Variants in LINGO2 observed in about 807,000 individuals in gnomAD.
LINGO2 encodes the protein leucine rich repeat and Ig domain containing 2.
A neutral mutation model predicts 30.6 loss-of-function variants in LINGO2; 14 were observed. The observed-to-expected ratio is 0.46, with a 90% CI of 0.30 to 0.72. The LOEUF is 0.72. Among genes scored for constraint, LINGO2 ranks in the 30% least tolerant of loss-of-function variants. The pLI is 0.07. For synonymous variants in LINGO2, 317 were observed against 288.5 expected, an observed-to-expected ratio of 1.10 and a Z score of -1.00; for missense variants, 729 against 751.7, an observed-to-expected ratio of 0.97 and a Z score of 0.35.
intron 4 of LINGO2, among the ~76,000 whole-genome samples, chr9:28,045,723 C>T (rs1006983450): frequency 6.6e-6 from 1 of 151,552 alleles, no homozygotes; most frequent in Non-Finnish European, 1.5e-5. Flanking sequence ...CTAATTTTCA[C>T]AGGTACTATG....
intron 5 of LINGO2, among the ~76,000 whole-genome samples, chr9:27,961,348 T>C (rs927622372): frequency 6.6e-6 from 1 of 152,164 alleles, no homozygotes; most frequent in Non-Finnish European, 1.5e-5. Flanking sequence ...TCAAGTAAAA[T>C]ATAGGAGCTC....
rs549045213 is a variant in LINGO2 at position 28,376,136 on chromosome 9, A to C, written c.-278-3268T>G. Among the ~76,000 whole-genome samples the C allele has an allele frequency of 6.6e-5, 10 of 151,512 alleles. No homozygotes were observed. The South Asian group carries it at 2.1e-3, about 32-fold the overall frequency. ...CGGACAAGTGCAGCAGCCTAAAAAT[A>C]AAATGTTGAGGAGGGGTTCAGATCC... On this transcript the variant is annotated intron_variant, in intron 2 of 5. Transcript: ENST00000379992.
At chr9:28,407,701 A>C (rs2134785789) in intron 2 of LINGO2, among the ~76,000 whole-genome samples, 1 of 152,280 alleles carries the variant, frequency 6.6e-6, no homozygotes, top group South Asian at 2.1e-4. Flanking sequence ...GGAGAAGGAG[A>C]GAATGGTTCT....
the LINGO2 span, among the ~76,000 whole-genome samples, chr9:28,819,717 G>A: frequency 2.2e-3 from 332 of 152,300 alleles, 1 homozygote; most frequent in African/African-American, 7.6e-3. Flanking sequence ...AGCAGGTCCT[G>A]TGGCAGAGCA....
chr9:28,773,038 AGTTAG>A, the LINGO2 span, among the ~76,000 whole-genome samples: 1 of 152,142 alleles, frequency 6.6e-6, no homozygotes, highest in Admixed American at 6.5e-5. Flanking sequence ...TGAAATGCTC[AGTTAG>A]GTTAGACACA....
the LINGO2 span, among the ~76,000 whole-genome samples, chr9:28,942,655 T>C: frequency 4.2e-3 from 642 of 152,332 alleles, 1 homozygote; most frequent in Non-Finnish European, 6.2e-3. Flanking sequence ...CCAGTGAAAC[T>C]GAGCAATTTT....
chr9:27,945,480 C>T (rs1002839347), downstream of LINGO2, among the ~76,000 whole-genome samples: 1 of 152,030 alleles, frequency 6.6e-6, no homozygotes, highest in African/African-American at 2.4e-5. Context: ...CAGTAACAAG[C>T]AAAATTTCTG....
the LINGO2 span, among the ~76,000 whole-genome samples, chr9:29,093,456 A>G: frequency 2.2e-5 from 3 of 134,540 alleles, 1 homozygote; most frequent in Non-Finnish European, 3.2e-5. Flanking sequence ...GAAATTTATA[A>G]AACACTTTCC....
At chr9:28,128,062 C>A (rs1253574365) in intron 4 of LINGO2, among the ~76,000 whole-genome samples, 1 of 152,140 alleles carries the variant, frequency 6.6e-6, no homozygotes, top group Non-Finnish European at 1.5e-5. Flanking sequence ...TAGTTAGGTA[C>A]CTGTTCTGGA....
chr9:29,082,453 G>A, the LINGO2 span, among the ~76,000 whole-genome samples: 1,092 of 152,168 alleles, frequency 7.2e-3, 18 homozygotes, highest in African/African-American at 0.025. Flanking sequence ...AGACTTAAAC[G>A]TTAGACCAAA....
intron 3 of LINGO2, among the ~76,000 whole-genome samples, chr9:28,302,833 T>C (rs574027871): frequency 2.6e-5 from 4 of 152,310 alleles, no homozygotes; most frequent in African/African-American, 9.6e-5. Context: ...CATGTTCTCA[T>C]TTAATCTTCA....
chr9:28,390,169 A>G (rs1459381146), intron 2 of LINGO2, among the ~76,000 whole-genome samples: 3 of 152,186 alleles, frequency 2.0e-5, no homozygotes, highest in African/African-American at 7.2e-5. Flanking sequence ...ACCTCAGCTC[A>G]TTGCTTCCAC....
chr9:29,189,088 GCGGC>G, the LINGO2 span, among the ~76,000 whole-genome samples: 6 of 81,060 alleles, frequency 7.4e-5, no homozygotes, highest in Non-Finnish European at 1.9e-4. Context: ...CCCGGACGGG[GCGGC>G]TGGCCGACCG....
chr9:28,784,205 G>A, the LINGO2 span, among the ~76,000 whole-genome samples: 1 of 152,184 alleles, frequency 6.6e-6, no homozygotes, highest in Admixed American at 6.5e-5. Context: ...AGAGATTGGT[G>A]TGTGTTTATA....
intron 1 of LINGO2, among the ~76,000 whole-genome samples, chr9:28,597,031 T>A (rs1020533030): frequency 2.6e-5 from 4 of 152,162 alleles, no homozygotes; most frequent in Non-Finnish European, 4.4e-5. Context: ...TTCTTTATAA[T>A]TAGTAACTGA....
chr9:28,343,984 G>A (rs1238123535), intron 3 of LINGO2, among the ~76,000 whole-genome samples: 2 of 152,072 alleles, frequency 1.3e-5, no homozygotes, highest in South Asian at 2.1e-4. Context: ...CTTTCTAAGG[G>A]AATTTTTGAA....
intron 4 of LINGO2, among the ~76,000 whole-genome samples, chr9:28,252,756 G>C (rs912490835): frequency 2.0e-5 from 3 of 151,880 alleles, no homozygotes; most frequent in East Asian, 1.9e-4. Flanking sequence ...TACCAATAAG[G>C]AAATTAAGGA....
intron 1 of LINGO2, among the ~76,000 whole-genome samples, chr9:28,512,147 C>T (rs574125719): frequency 1.1e-3 from 169 of 152,158 alleles, no homozygotes; most frequent in African/African-American, 3.5e-3. Flanking sequence ...CATTTGATGA[C>T]GCAATGCTGC....
chr9:28,171,584 A>G (rs1014518101), intron 4 of LINGO2, among the ~76,000 whole-genome samples: 2 of 152,152 alleles, frequency 1.3e-5, no homozygotes, highest in Non-Finnish European at 1.5e-5. Context: ...GCACCATGGG[A>G]TTTACATACT....
Sources: allele counts gnomAD v4.1 joint callset (sites outside exome capture counted in the v4.1 genomes callset), GRCh38; gene constraint gnomAD v4.1.1; transcripts MANE v1.5; gene names NCBI Gene and HGNC (gene_info 2026-07-23, HGNC 2026-07-21).